PEAK1: variants seen among roughly 807,000 people sequenced by gnomAD.
PEAK1 encodes the protein inactive tyrosine-protein kinase PEAK1.
A neutral mutation model predicts 124.7 loss-of-function variants in PEAK1; 54 were observed. That is an observed-to-expected ratio of 0.43 (90% CI 0.35 to 0.54). The LOEUF (loss-of-function observed/expected upper bound fraction) is 0.54, where lower values mean the gene tolerates loss of function less well. Ranked by LOEUF, PEAK1 falls within the 20% of genes least tolerant of loss-of-function variation. The probability of loss-of-function intolerance (pLI) is 0.01; values close to 1 mark genes in which losing one functional copy is unlikely to be tolerated. For missense variants in PEAK1, 2,046 were observed against 2,134.5 expected (o/e 0.96, Z 0.82); for synonymous variants, 719 against 760.0 (o/e 0.95, Z 0.89).
At chr15:77,352,886 T>C (rs2067291936) in intron 2 of PEAK1, 5 of 985,404 alleles carry the variant, frequency 5.1e-6, no homozygotes, top group Non-Finnish European at 4.8e-6. Flanking sequence ...GAAGGATCAA[T>C]GTGTGGACTA....
chr15:77,232,672 T>A (rs2059957004), intron 6 of PEAK1, among the ~76,000 whole-genome samples: 1 of 152,240 alleles, frequency 6.6e-6, no homozygotes, highest in African/African-American at 2.4e-5. Context: ...TCTTTAAGGA[T>A]AACCTTTCTA....
intron 8 of PEAK1, among the ~76,000 whole-genome samples, chr15:77,143,855 AC>A (rs1567024031): frequency 2.0e-5 from 3 of 152,298 alleles, no homozygotes; most frequent in East Asian, 3.9e-4. Context: ...TCATTTGTGT[AC>A]CCAAGACCAA....
At chr15:77,147,490 C>T (rs1215348776) in intron 8 of PEAK1, among the ~76,000 whole-genome samples, 3 of 152,048 alleles carry the variant, frequency 2.0e-5, no homozygotes, top group South Asian at 4.1e-4. Context: ...TCCTGATTTT[C>T]GCAGTCTGAT....
At chr15:77,309,020 A>T (rs1730848593) in intron 2 of PEAK1, among the ~76,000 whole-genome samples, 1 of 152,112 alleles carries the variant, frequency 6.6e-6, no homozygotes, top group Non-Finnish European at 1.5e-5. Context: ...TAAAACCACA[A>T]ACATCAGGTA....
chr15:77,217,281 A>AGC (rs1450442796), intron 6 of PEAK1, among the ~76,000 whole-genome samples: 1 of 151,802 alleles, frequency 6.6e-6, no homozygotes, highest in African/African-American at 2.4e-5. Flanking sequence ...GTACAGTTGA[A>AGC]GCAATAGCTA....
chr15:77,391,253 T>C (rs2070423685), intron 1 of PEAK1, among the ~76,000 whole-genome samples: 1 of 152,056 alleles, frequency 6.6e-6, no homozygotes, highest in Non-Finnish European at 1.5e-5. Flanking sequence ...AAACAAGAAC[T>C]GTGCATTAAA....
intron 5 of PEAK1, among the ~76,000 whole-genome samples, chr15:77,267,278 T>C (rs1241212128): frequency 6.6e-6 from 1 of 152,122 alleles, no homozygotes; most frequent in Non-Finnish European, 1.5e-5. Flanking sequence ...ATGGTCCTGC[T>C]GGTAGCTGAA....
At chr15:77,410,400 C>T (rs530857646) in intron 1 of PEAK1, among the ~76,000 whole-genome samples, 1 of 152,328 alleles carries the variant, frequency 6.6e-6, no homozygotes, top group East Asian at 1.9e-4. Context: ...GCTGGGATTA[C>T]AGGTGTGAGC....
intron 1 of PEAK1, chr15:77,381,187 T>C (rs2141818802): frequency 1.0e-6 from 1 of 972,108 alleles, no homozygotes; most frequent in Non-Finnish European, 1.2e-6. Flanking sequence ...AAAAAGCTAA[T>C]CTAGGACTAC....
intron 8 of PEAK1, among the ~76,000 whole-genome samples, chr15:77,150,348 G>A (rs560781371): frequency 1.3e-5 from 2 of 152,142 alleles, no homozygotes; most frequent in Non-Finnish European, 2.9e-5. Context: ...ACTCTGCCTC[G>A]CTTTCTTTAT....
intron 2 of PEAK1, chr15:77,348,184 G>GAAAA: frequency 5.9e-6 from 5 of 852,362 alleles, no homozygotes; most frequent in African/African-American, 2.4e-5. Flanking sequence ...CACATGCTAA[G>GAAAA]AAAAAAAAAA....
intron 2 of PEAK1, chr15:77,347,540 G>A (rs1186522201): frequency 2.0e-6 from 2 of 985,144 alleles, no homozygotes; most frequent in African/African-American, 1.7e-5. Context: ...ACTCATAAAT[G>A]AACTCCAATC....
intron 7 of PEAK1, among the ~76,000 whole-genome samples, chr15:77,161,965 C>CAAAAAAAAA (rs33972250): frequency 5.9e-5 from 5 of 84,406 alleles, no homozygotes; most frequent in African/African-American, 1.5e-4. Flanking sequence ...GACTCTGTCT[C>CAAAAAAAAA]AAAAAAAAAA....
chr15:77,157,881 G>A (rs2055294494), intron 8 of PEAK1: 1 of 152,268 alleles, frequency 6.6e-6, no homozygotes, highest in African/African-American at 2.4e-5. Context: ...CTGCAGGATG[G>A]ATGTTTTAAA....
chr15:77,347,560 T>C, intron 2 of PEAK1: 2 of 985,412 alleles, frequency 2.0e-6, no homozygotes, highest in Non-Finnish European at 2.4e-6. Flanking sequence ...CACAAAGGAA[T>C]GTTTCTGGAT....
At chr15:77,369,359 A>C (rs1321061517) in intron 1 of PEAK1, among the ~76,000 whole-genome samples, 1 of 152,210 alleles carries the variant, frequency 6.6e-6, no homozygotes, top group Non-Finnish European at 1.5e-5. Flanking sequence ...GACCCTTAGA[A>C]AATACAACCT....
At chr15:77,192,192 T>A (rs910382415) in intron 6 of PEAK1, among the ~76,000 whole-genome samples, 5 of 152,242 alleles carry the variant, frequency 3.3e-5, no homozygotes, top group African/African-American at 1.2e-4. Flanking sequence ...GTAAAGAAGA[T>A]GCAGGATGCT....
intron 9 of PEAK1, 64 bp downstream of exon 9, chr15:77,132,941 T>C (rs2053000746): frequency 2.0e-6 from 3 of 1,468,612 alleles, no homozygotes; most frequent in Admixed American, 4.1e-5. Flanking sequence ...AAAAGCAGAA[T>C]GAATCCATCC....
At chr15:77,310,321 T>C (rs1364417719) in intron 2 of PEAK1, among the ~76,000 whole-genome samples, 1 of 152,216 alleles carries the variant, frequency 6.6e-6, no homozygotes, top group Non-Finnish European at 1.5e-5. Context: ...GTCTCTTATG[T>C]TCCTAGCTTG....
Sources: allele counts gnomAD v4.1 joint callset (sites outside exome capture counted in the v4.1 genomes callset), GRCh38; gene constraint gnomAD v4.1.1; transcripts MANE v1.5; gene names NCBI Gene and HGNC (gene_info 2026-07-23, HGNC 2026-07-21).